Variants in DNAH11 observed in about 807,000 individuals in gnomAD.
DNAH11 encodes the protein dynein axonemal heavy chain 11, also known as axonemal beta dynein heavy chain 11.
Under a neutral mutation model 526.0 loss-of-function variants are expected in DNAH11, and 442 were observed. The ratio of observed to expected loss-of-function variants is 0.84; its 90% CI spans 0.78 to 0.91. The LOEUF (loss-of-function observed/expected upper bound fraction) is 0.91, where lower values mean the gene tolerates loss of function less well. Ranked by LOEUF, DNAH11 falls within the 40% of genes least tolerant of loss-of-function variation. The pLI is 0.00. For synonymous variants in DNAH11, 2,461 were observed against 1,935.9 expected (o/e 1.27, Z -7.12); for missense variants, 6,989 against 5,448.7 (o/e 1.28, Z -8.90).
chr7:21,767,919 C>T (rs1050850347), intron 55 of DNAH11, among the ~76,000 whole-genome samples: 1 of 152,094 alleles, frequency 6.6e-6, no homozygotes, highest in Non-Finnish European at 1.5e-5. Context: ...GGTGCTTACA[C>T]AAGGTGACCC....
chr7:21,804,302 G>T (rs1789148791), intron 62 of DNAH11, among the ~76,000 whole-genome samples: 1 of 151,928 alleles, frequency 6.6e-6, no homozygotes, highest in South Asian at 2.1e-4. Flanking sequence ...TTAGAGACGG[G>T]GTTTCACCGT....
chr7:21,668,331 A>G (rs1226451630), intron 30 of DNAH11, among the ~76,000 whole-genome samples: 3 of 152,110 alleles, frequency 2.0e-5, no homozygotes, highest in Non-Finnish European at 2.9e-5. Context: ...TTTTTAGTAT[A>G]ATAAAAATAA....
chr7:21,749,530 C>G (rs1786308219), intron 52 of DNAH11, 148 bp from the exon 53 acceptor site: 3 of 970,054 alleles, frequency 3.1e-6, no homozygotes, highest in Non-Finnish European at 4.5e-6. Flanking sequence ...AGAATGGGGT[C>G]TCTCAGAGAA....
At chr7:21,866,356 G>T in intron 70 of DNAH11, 114 bp from the exon 71 acceptor site, 20 of 895,412 alleles carry the variant, frequency 2.2e-5, no homozygotes, top group Non-Finnish European at 3.2e-5. Flanking sequence ...AGAGGAGAGT[G>T]AATACTATCC....
chr7:21,759,615 G>A (rs2128495953), intron 54 of DNAH11, among the ~76,000 whole-genome samples: 1 of 152,284 alleles, frequency 6.6e-6, no homozygotes, highest in South Asian at 2.1e-4. Flanking sequence ...AAATGTAAGT[G>A]ATGGATGGAA....
At chr7:21,565,903 C>T (rs1448809523) in intron 6 of DNAH11, among the ~76,000 whole-genome samples, 1 of 152,140 alleles carries the variant, frequency 6.6e-6, no homozygotes, top group Non-Finnish European at 1.5e-5. Context: ...ATTTTACCAT[C>T]ATCTCCTCTG....
intron 74 of DNAH11, among the ~76,000 whole-genome samples, 180 bp from the exon 75 acceptor site, chr7:21,880,522 C>T (rs1466305419): frequency 6.6e-6 from 1 of 152,228 alleles, no homozygotes; most frequent in Non-Finnish European, 1.5e-5. Flanking sequence ...CTTAAGCCAA[C>T]AGACTGGCAA....
chr7:21,868,089 C>T, intron 72 of DNAH11, 82 bp downstream of exon 72: 1 of 1,123,954 alleles, frequency 8.9e-7, no homozygotes, highest in Admixed American at 4.0e-5. Context: ...TTTCAGTTCA[C>T]AGTGATCTTA....
chr7:21,610,682 T>A (rs1315259551), intron 20 of DNAH11, among the ~76,000 whole-genome samples: 1 of 151,530 alleles, frequency 6.6e-6, no homozygotes, highest in Non-Finnish European at 1.5e-5. Context: ...AAGGGCCAGA[T>A]ACTTACAGAA....
At chr7:21,740,700 T>G (rs1416728899) in intron 48 of DNAH11, among the ~76,000 whole-genome samples, 1 of 152,228 alleles carries the variant, frequency 6.6e-6, no homozygotes, top group Non-Finnish European at 1.5e-5. Flanking sequence ...AACAAATGTA[T>G]CTTCAAGACC....
intron 63 of DNAH11, among the ~76,000 whole-genome samples, chr7:21,809,712 C>T (rs1026445883): frequency 6.6e-5 from 10 of 151,596 alleles, no homozygotes; most frequent in South Asian, 4.2e-4. Flanking sequence ...TACAGGCACC[C>T]GCCACCACAC....
At chr7:21,801,409 C>A in intron 62 of DNAH11, 134 bp downstream of exon 62, 1 of 1,239,050 alleles carries the variant, frequency 8.1e-7, no homozygotes, top group Non-Finnish European at 1.1e-6. Context: ...ATCACTCATC[C>A]TGTGGCTCTA....
intron 30 of DNAH11, among the ~76,000 whole-genome samples, chr7:21,668,096 A>T (rs780017024): frequency 3.9e-5 from 6 of 152,144 alleles, no homozygotes; most frequent in Non-Finnish European, 8.8e-5. Context: ...ACAAAGATAA[A>T]ATACAAAAGA....
intron 67 of DNAH11, among the ~76,000 whole-genome samples, chr7:21,853,401 T>C (rs887920522): frequency 3.3e-5 from 5 of 152,246 alleles, no homozygotes; most frequent in Non-Finnish European, 7.3e-5. Context: ...CAAATTACTC[T>C]GTCTTTTCAA....
chr7:21,889,118 T>C (rs1029879508), intron 76 of DNAH11, among the ~76,000 whole-genome samples: 2 of 151,926 alleles, frequency 1.3e-5, no homozygotes, highest in Non-Finnish European at 2.9e-5. Context: ...TCTGTCTCTA[T>C]AGATTTGCAT....
chr7:21,811,068 G>A (rs1417435242), intron 63 of DNAH11, among the ~76,000 whole-genome samples: 1 of 152,138 alleles, frequency 6.6e-6, no homozygotes, highest in Non-Finnish European at 1.5e-5. Context: ...TAAACATACG[G>A]TATAAATACA....
At chr7:21,562,260 T>C (rs1471916973) in intron 5 of DNAH11, among the ~76,000 whole-genome samples, 1 of 152,206 alleles carries the variant, frequency 6.6e-6, no homozygotes, top group Non-Finnish European at 1.5e-5. Context: ...TATTTAGCAG[T>C]ATCTCTGGCC....
At chr7:21,852,361 C>T in intron 66 of DNAH11, 106 bp from the exon 67 acceptor site, 3 of 1,202,706 alleles carry the variant, frequency 2.5e-6, no homozygotes, top group South Asian at 1.6e-5. Context: ...GAGCCAAGAT[C>T]ATACCACTGT....
At chr7:21,579,751 A>G (rs1784239671) in intron 8 of DNAH11, among the ~76,000 whole-genome samples, 1 of 152,230 alleles carries the variant, frequency 6.6e-6, no homozygotes, top group Non-Finnish European at 1.5e-5. Flanking sequence ...AAAGGATTCT[A>G]AATAAGAAAG....
Sources: gnomAD v4.1 joint callset for allele counts (sites outside exome capture counted in the v4.1 genomes callset) on GRCh38, gnomAD v4.1.1 for gene constraint, MANE v1.5 for transcripts, NCBI Gene and HGNC (gene_info 2026-07-23, HGNC 2026-07-21) for gene names.